LRBA: variants seen among roughly 807,000 people sequenced by gnomAD.
The protein encoded by LRBA is lipopolysaccharide-responsive and beige-like anchor protein.
A neutral mutation model predicts 330.0 loss-of-function variants in LRBA; 176 were observed. The ratio of observed to expected loss-of-function variants is 0.53; its 90% confidence interval spans 0.47 to 0.60. The LOEUF (loss-of-function observed/expected upper bound fraction) is 0.60. Ranked by LOEUF, LRBA falls within the 20% of genes least tolerant of loss-of-function variation. The pLI is 0.00. For missense variants in LRBA, 3,259 were observed against 3,444.8 expected, an observed-to-expected ratio of 0.95 and a Z score of 1.35; for synonymous variants, 1,230 against 1,193.0, an observed-to-expected ratio of 1.03 and a Z score of -0.64.
chr4:150,875,162 C>T (rs1753861269), intron 17 of LRBA, among the ~76,000 whole-genome samples: 1 of 152,216 alleles, frequency 6.6e-6, no homozygotes, highest in Non-Finnish European at 1.5e-5. Flanking sequence ...ACAGGGGGCC[C>T]TCTCTGTTTC....
intron 48 of LRBA, among the ~76,000 whole-genome samples, chr4:150,338,398 A>G (rs1048995669): frequency 9.2e-5 from 14 of 152,230 alleles, no homozygotes; most frequent in African/African-American, 3.1e-4. Context: ...CTTTTAGAGG[A>G]AATGTACCAA....
At chr4:150,435,351 CAAAACA>C (rs539459518) in intron 46 of LRBA, among the ~76,000 whole-genome samples, 28 of 151,540 alleles carry the variant, frequency 1.8e-4, no homozygotes, top group South Asian at 1.0e-3. Context: ...ACTCTGTCTC[CAAAACA>C]AAAACAAAAA....
intron 40 of LRBA, among the ~76,000 whole-genome samples, chr4:150,538,829 A>C (rs997824950): frequency 1.8e-4 from 27 of 150,648 alleles, no homozygotes; most frequent in Admixed American, 9.2e-4. Context: ...AAAAAAAAAA[A>C]ACAAAAAACT....
At chr4:150,568,277 C>T (rs959040044) in intron 40 of LRBA, among the ~76,000 whole-genome samples, 3 of 151,970 alleles carry the variant, frequency 2.0e-5, no homozygotes, top group African/African-American at 7.2e-5. Context: ...GATTGGGGGC[C>T]AATGTGAAAC....
intron 52 of LRBA, 129 bp downstream of exon 52, chr4:150,310,100 C>A: frequency 1.6e-6 from 1 of 617,850 alleles, no homozygotes; most frequent in African/African-American, 1.8e-5. Flanking sequence ...AAACAATGCC[C>A]TCTTCTCCCT....
Position 150,831,813 on chromosome 4 carries a change from T to G in LRBA, c.4729+4A>C. The G allele has an allele frequency of 6.3e-7, 1 of 1,578,332 alleles. No individual in the cohort carries two copies. Among genetic ancestry groups the G allele is most frequent in the South Asian group, 1.2e-5 (1 of 83,142 alleles). ...GTACAAAGGAATAGAAAATGCAAAC[T>G]TACCAGAGAGTGATACATTCTCATT... On this transcript the variant is annotated splice_donor_region_variant and intron_variant, in intron 29 of 56. Coordinates refer to ENST00000651943, the MANE Select transcript of LRBA (RefSeq NM_001364905.1).
At chr4:150,964,524 C>T (rs1441122062) in intron 2 of LRBA, among the ~76,000 whole-genome samples, 1 of 150,490 alleles carries the variant, frequency 6.6e-6, no homozygotes, top group African/African-American at 2.5e-5. Flanking sequence ...TAACCTTACC[C>T]CCAACCCCGT....
At chr4:150,860,658 T>G (rs537607501) in intron 22 of LRBA, among the ~76,000 whole-genome samples, 21 of 152,040 alleles carry the variant, frequency 1.4e-4, no homozygotes, top group African/African-American at 4.3e-4. Flanking sequence ...AAACCTCTTC[T>G]CTACTAAAAA....
intron 4 of LRBA, 50 bp from the exon 5 acceptor site, chr4:150,921,343 A>G (rs1393394596): frequency 2.7e-5 from 28 of 1,051,982 alleles, no homozygotes; most frequent in Non-Finnish European, 4.0e-5. Context: ...CCATAAGATA[A>G]AAAAAACACA....
intron 47 of LRBA, among the ~76,000 whole-genome samples, chr4:150,399,962 T>A (rs989365433): frequency 6.8e-6 from 1 of 146,814 alleles, no homozygotes; most frequent in African/African-American, 2.5e-5. Context: ...GGTGATGAAG[T>A]GAGACTCTGT....
chr4:150,728,881 A>T, intron 36 of LRBA, among the ~76,000 whole-genome samples: 1 of 152,314 alleles, frequency 6.6e-6, no homozygotes, highest in East Asian at 1.9e-4. Context: ...GATAAAGAGC[A>T]TTTAAATTGG....
intron 47 of LRBA, among the ~76,000 whole-genome samples, chr4:150,352,689 C>A (rs1457318964): frequency 6.6e-6 from 1 of 152,084 alleles, no homozygotes. Flanking sequence ...CTAGGAACTA[C>A]TAATGCAAGT....
At chr4:150,551,291 G>C (rs963561541) in intron 40 of LRBA, among the ~76,000 whole-genome samples, 3 of 152,126 alleles carry the variant, frequency 2.0e-5, no homozygotes, top group African/African-American at 7.2e-5. Flanking sequence ...TAGCAGCAGA[G>C]AATGGATTAA....
intron 2 of LRBA, among the ~76,000 whole-genome samples, chr4:150,964,872 T>C (rs1663471233): frequency 6.6e-6 from 1 of 152,026 alleles, no homozygotes. Flanking sequence ...GAGCAAAGGA[T>C]ACAAATGGAT....
At chr4:150,742,015 G>C (rs1732045605) in intron 35 of LRBA, among the ~76,000 whole-genome samples, 1 of 151,902 alleles carries the variant, frequency 6.6e-6, no homozygotes, top group African/African-American at 2.4e-5. Flanking sequence ...CATATCAACA[G>C]AATGATTCAC....
At chr4:150,711,105 C>T (rs969084435) in intron 36 of LRBA, among the ~76,000 whole-genome samples, 2 of 151,880 alleles carry the variant, frequency 1.3e-5, no homozygotes, top group South Asian at 2.1e-4. Flanking sequence ...AATTGCCTTA[C>T]CTGAATATCT....
intron 37 of LRBA, among the ~76,000 whole-genome samples, chr4:150,663,773 G>C (rs1036343868): frequency 2.6e-5 from 4 of 152,136 alleles, no homozygotes; most frequent in African/African-American, 4.8e-5. Flanking sequence ...GACTATAAGT[G>C]CTTTAATACT....
intron 37 of LRBA, among the ~76,000 whole-genome samples, chr4:150,632,765 A>G (rs764852112): frequency 1.8e-4 from 27 of 152,176 alleles, no homozygotes; most frequent in Non-Finnish European, 3.2e-4. Flanking sequence ...CTCAGCTTAG[A>G]TGTCAGCTCC....
intron 41 of LRBA, among the ~76,000 whole-genome samples, chr4:150,490,052 C>A (rs968306339): frequency 1.3e-5 from 2 of 151,528 alleles, no homozygotes; most frequent in Non-Finnish European, 3.0e-5. Context: ...AAGTGTGAAA[C>A]ATTCTCTTGA....
Sources: gnomAD v4.1 joint callset for allele counts (sites outside exome capture counted in the v4.1 genomes callset) on GRCh38, gnomAD v4.1.1 for gene constraint, MANE v1.5 for transcripts, NCBI Gene and HGNC (gene_info 2026-07-23, HGNC 2026-07-21) for gene names.